The following MRE11 variants were observed in gnomAD, a reference collection of about 807,000 sequenced individuals.
MRE11 encodes MRE11 double strand break repair nuclease.
A neutral mutation model predicts 91.7 loss-of-function variants in MRE11; 62 were observed. That is an observed-to-expected ratio of 0.68 (90% CI 0.55 to 0.84). The LOEUF (loss-of-function observed/expected upper bound fraction) is 0.84. MRE11 is among the 40% of genes least tolerant of loss of function. The probability of loss-of-function intolerance (pLI) is 0.00; values close to 1 mark genes in which losing one functional copy is unlikely to be tolerated. For synonymous variants in MRE11, 273 were observed against 271.4 expected (o/e 1.01, Z -0.06); for missense variants, 796 against 852.9 (o/e 0.93, Z 0.83).
rs1166062956 is a variant in MRE11 at position 94,461,010 on chromosome 11, T to G, written c.1252A>C (p.Ile418Leu). The stretch of plus-strand genomic sequence containing the variant: ...GTTGTTCCTTCTGAAGGCTTTGTGA[T>G]AAGTTTCCCAAAGTTGATCTCTTCT... ...TGEEINFGKL[I>L]TKPSEGTTLR... The change falls in exon 12 of 20, where the codon ATC (isoleucine) becomes CTC (leucine). Residue 418 changes from isoleucine to leucine, a missense_variant. Physicochemically the swap from Ile to Leu is conservative, Grantham distance 5. Transcript: ENST00000323929. 1.2e-6 allele frequency: 2 copies of G among 1,613,574 alleles called. No homozygotes were observed. Among genetic ancestry groups the G allele is most frequent in the Non-Finnish European group, 1.7e-6 (2 of 1,179,910 alleles).
chr11:94,452,110 T>C (rs1026222709), intron 14 of MRE11, among the ~76,000 whole-genome samples: 2 of 148,328 alleles, frequency 1.3e-5, no homozygotes, highest in Non-Finnish European at 3.0e-5. Flanking sequence ...AGCACGAGAA[T>C]CACCTGAACC....
chr11:94,426,965 C>G (rs572132100), intron 19 of MRE11, among the ~76,000 whole-genome samples: 1 of 152,278 alleles, frequency 6.6e-6, no homozygotes, highest in South Asian at 2.1e-4. Flanking sequence ...CATATTCTAT[C>G]AGACATACAA....
Position 94,435,712 on chromosome 11 carries a change from T to C in MRE11, c.1994+120A>G, listed in dbSNP as rs1003706708. ...GTCTGTTTTCATTCCTCTACATACT[T>C]TACTAGTTGAAAATAAGTCTGTTAA... On this transcript the variant is annotated intron_variant, in intron 18 of 19. Transcript: ENST00000323929. The C allele has an allele frequency of 2.0e-5, 16 of 796,522 alleles. No individual in the cohort carries two copies. In the African/African-American group the frequency reaches 2.7e-4, roughly 13 times the overall value. 49.3% of individuals were successfully genotyped at this position (796,522 alleles called of 1,614,324 possible).
At chr11:94,442,116 A>G (rs1206589964) in intron 16 of MRE11, among the ~76,000 whole-genome samples, 1 of 152,146 alleles carries the variant, frequency 6.6e-6, no homozygotes, top group Non-Finnish European at 1.5e-5. Flanking sequence ...ACTCAGAAGG[A>G]GAATAAGAAT....
the MRE11 span, chr11:94,499,315 C>T: frequency 4.6e-5 from 7 of 152,524 alleles, no homozygotes; most frequent in Non-Finnish European, 1.0e-4. Context: ...CTGGTTTTAC[C>T]TGCCTAATCC....
intron 3 of MRE11, among the ~76,000 whole-genome samples, chr11:94,490,180 C>G (rs1947249989): frequency 6.6e-6 from 1 of 152,114 alleles, no homozygotes; most frequent in South Asian, 2.1e-4. Flanking sequence ...CAGCTCAAAT[C>G]CTTCCTTCTA....
intron 7 of MRE11, among the ~76,000 whole-genome samples, chr11:94,474,121 C>T (rs1051017770): frequency 5.3e-5 from 8 of 152,084 alleles, no homozygotes; most frequent in African/African-American, 1.4e-4. Flanking sequence ...ACACCTAGTA[C>T]GCATTTGTGG....
the MRE11 span, among the ~76,000 whole-genome samples, chr11:94,500,673 C>T: frequency 6.6e-6 from 1 of 152,168 alleles, no homozygotes; most frequent in African/African-American, 2.4e-5. Context: ...TAGCGTCATT[C>T]TTAGGCCTAA....
chr11:94,496,850 G>A (rs751552325), upstream of MRE11: 8 of 1,613,686 alleles, frequency 5.0e-6, no homozygotes, highest in Admixed American at 5.0e-5. Flanking sequence ...TGATGAAGAT[G>A]AGGAGCAAGA....
intron 2 of MRE11, 90 bp from the exon 3 acceptor site, chr11:94,491,055 T>C: frequency 1.2e-6 from 1 of 840,228 alleles, no homozygotes; most frequent in Non-Finnish European, 1.9e-6. Flanking sequence ...AAATAAATAA[T>C]AACAGTTATA....
intron 6 of MRE11, among the ~76,000 whole-genome samples, chr11:94,476,828 C>A (rs1946874195): frequency 6.6e-6 from 1 of 152,148 alleles, no homozygotes; most frequent in South Asian, 2.1e-4. Context: ...TCAAGGGATT[C>A]TTGTGCCTCA....
At chr11:94,507,310 C>A in the MRE11 span, among the ~76,000 whole-genome samples, 1 of 152,020 alleles carries the variant, frequency 6.6e-6, no homozygotes, top group East Asian at 1.9e-4. Flanking sequence ...GGGTTTTGTT[C>A]TTTTTATTGA....
At chr11:94,502,933 C>A in the MRE11 span, among the ~76,000 whole-genome samples, 1 of 152,136 alleles carries the variant, frequency 6.6e-6, no homozygotes, top group Admixed American at 6.5e-5. Context: ...TCTCGACCTC[C>A]CAAAGTGCTG....
chr11:94,455,852 G>T (rs1346342166), intron 14 of MRE11, among the ~76,000 whole-genome samples: 1 of 152,056 alleles, frequency 6.6e-6, no homozygotes, highest in Admixed American at 6.6e-5. Context: ...GGCTTTTGTT[G>T]TATATATCCC....
At chr11:94,463,585 G>A (rs1215393973) in intron 11 of MRE11, among the ~76,000 whole-genome samples, 1 of 152,122 alleles carries the variant, frequency 6.6e-6, no homozygotes, top group Non-Finnish European at 1.5e-5. Context: ...TATACACTAT[G>A]GAATACTATG....
chr11:94,458,018 T>TA (rs1175738728), intron 13 of MRE11, among the ~76,000 whole-genome samples: 64 of 143,118 alleles, frequency 4.5e-4, no homozygotes, highest in Non-Finnish European at 6.1e-5. Flanking sequence ...TGCTATAAAT[T>TA]AGCAAACCCA....
the MRE11 span, chr11:94,499,051 T>TA: frequency 6.5e-6 from 1 of 154,412 alleles, no homozygotes; most frequent in Non-Finnish European, 1.4e-5. Context: ...TAAGTTAAAG[T>TA]AAAAAACAGC....
At chr11:94,497,116 T>C (rs1947427669), upstream of MRE11, 1 of 881,098 alleles carries the variant, frequency 1.1e-6, no homozygotes, top group Non-Finnish European at 1.8e-6. Flanking sequence ...AGTGTCATGC[T>C]AGGTATTATT....
chr11:94,447,935 T>C (rs1364863854), intron 14 of MRE11, among the ~76,000 whole-genome samples: 1 of 152,096 alleles, frequency 6.6e-6, no homozygotes, highest in Non-Finnish European at 1.5e-5. Flanking sequence ...CAATCTACCA[T>C]ACTACCTATA....
Sources: allele counts gnomAD v4.1 joint callset (sites outside exome capture counted in the v4.1 genomes callset), GRCh38; gene constraint gnomAD v4.1.1; transcripts MANE v1.5; gene names NCBI Gene and HGNC (gene_info 2026-07-23, HGNC 2026-07-21).